The following STK32B variants were observed in gnomAD, a reference collection of about 807,000 sequenced individuals.
STK32B encodes the protein serine/threonine-protein kinase 32B.
Under a neutral mutation model 52.6 loss-of-function variants are expected in STK32B, and 43 were observed. That is an observed-to-expected ratio of 0.82 (90% CI 0.64 to 1.05). STK32B has a LOEUF of 1.05. STK32B is among the 50% of genes least tolerant of loss of function. The probability of loss-of-function intolerance (pLI) is 0.00; values close to 1 mark genes in which losing one functional copy is unlikely to be tolerated. For synonymous variants in STK32B, 238 were observed against 204.3 expected, an observed-to-expected ratio of 1.17 and a Z score of -1.41; for missense variants, 621 against 534.6, an observed-to-expected ratio of 1.16 and a Z score of -1.59.
chr4:5,463,452 C>G (rs1251976648), intron 9 of STK32B, among the ~76,000 whole-genome samples: 1 of 149,402 alleles, frequency 6.7e-6, no homozygotes, highest in Admixed American at 6.7e-5. Flanking sequence ...CTGCACACAC[C>G]CACACACTGA....
chr4:5,424,226 G>A (rs1712881745), intron 6 of STK32B, among the ~76,000 whole-genome samples: 1 of 152,140 alleles, frequency 6.6e-6, no homozygotes, highest in Admixed American at 6.5e-5. Context: ...GGGGTGCTGA[G>A]GGTGGCTCAG....
intron 4 of STK32B, among the ~76,000 whole-genome samples, chr4:5,345,027 G>A (rs1218439592): frequency 1.3e-5 from 2 of 149,862 alleles, no homozygotes; most frequent in Admixed American, 6.7e-5. Context: ...GGTGACAGTT[G>A]AAAAAGATTA....
chr4:5,123,564 G>A (rs955209288), intron 1 of STK32B, among the ~76,000 whole-genome samples: 1 of 152,124 alleles, frequency 6.6e-6, no homozygotes. Context: ...CAAGGTGTGG[G>A]CAGGGTTGAT....
At chr4:5,137,392 C>G (rs1716139085) in intron 1 of STK32B, among the ~76,000 whole-genome samples, 1 of 152,176 alleles carries the variant, frequency 6.6e-6, no homozygotes, top group Non-Finnish European at 1.5e-5. Flanking sequence ...TATGCTGGTG[C>G]CATTCCTTTT....
chr4:5,198,932 T>C (rs576978710), intron 3 of STK32B, among the ~76,000 whole-genome samples: 35 of 149,916 alleles, frequency 2.3e-4, no homozygotes, highest in African/African-American at 8.6e-4. Context: ...TTCCTAATTA[T>C]GTACTTTTGT....
chr4:5,065,420 A>G (rs918153271), intron 1 of STK32B, among the ~76,000 whole-genome samples: 8 of 152,208 alleles, frequency 5.3e-5, no homozygotes, highest in Non-Finnish European at 8.8e-5. Flanking sequence ...TGTTGCCACA[A>G]TAGGCAGCCC....
intron 6 of STK32B, among the ~76,000 whole-genome samples, chr4:5,444,524 C>T (rs1715194132): frequency 1.3e-5 from 2 of 152,212 alleles, no homozygotes; most frequent in South Asian, 4.1e-4. Context: ...TGAGATGAAC[C>T]CGGTACCTCA....
At chr4:5,357,028 C>CACACACACACATATAT (rs1481882197) in intron 4 of STK32B, among the ~76,000 whole-genome samples, 4 of 148,540 alleles carry the variant, frequency 2.7e-5, no homozygotes, top group Admixed American at 6.9e-5. Context: ...TATATACACA[C>CACACACACACATATAT]ACACACACAC....
At chr4:5,148,969 C>T (rs940079859) in intron 2 of STK32B, among the ~76,000 whole-genome samples, 1 of 151,518 alleles carries the variant, frequency 6.6e-6, no homozygotes, top group Non-Finnish European at 1.5e-5. Flanking sequence ...ATAAAATATC[C>T]TTCTCTTTTT....
At chr4:5,426,398 G>T (rs185810671) in intron 6 of STK32B, among the ~76,000 whole-genome samples, 1 of 152,036 alleles carries the variant, frequency 6.6e-6, no homozygotes, top group African/African-American at 2.4e-5. Flanking sequence ...CAAATCATTT[G>T]CCTGTTAATT....
At chr4:5,052,945 G>A (rs1262718143) in intron 1 of STK32B, among the ~76,000 whole-genome samples, 1 of 152,168 alleles carries the variant, frequency 6.6e-6, no homozygotes, top group South Asian at 2.1e-4. Flanking sequence ...AAAGGGGTCT[G>A]TCCTGGTTAC....
chr4:5,482,345 CA>C (rs1468067548), intron 11 of STK32B, among the ~76,000 whole-genome samples: 1 of 152,132 alleles, frequency 6.6e-6, no homozygotes, highest in Non-Finnish European at 1.5e-5. Context: ...CTCTTTGAAG[CA>C]ATTGTGAATG....
At chr4:5,061,245 T>G (rs559185576) in intron 1 of STK32B, among the ~76,000 whole-genome samples, 1 of 152,196 alleles carries the variant, frequency 6.6e-6, no homozygotes, top group Non-Finnish European at 1.5e-5. Context: ...TCTTTTTTAG[T>G]CACTTCAGGT....
At chr4:5,488,989 T>G (rs1719458493) in intron 11 of STK32B, among the ~76,000 whole-genome samples, 1 of 152,136 alleles carries the variant, frequency 6.6e-6, no homozygotes, top group African/African-American at 2.4e-5. Flanking sequence ...AATTAAAATT[T>G]TTAACTCTCA....
intron 3 of STK32B, among the ~76,000 whole-genome samples, chr4:5,269,596 ACTGTATTC>A (rs1727288116): frequency 1.3e-5 from 2 of 152,208 alleles, no homozygotes; most frequent in African/African-American, 4.8e-5. Context: ...GGTTATTATA[ACTGTATTC>A]CTCATGTTCA....
At chr4:5,031,021 A>G in the STK32B span, among the ~76,000 whole-genome samples, 3 of 152,138 alleles carry the variant, frequency 2.0e-5, no homozygotes, top group African/African-American at 7.2e-5. Flanking sequence ...AGGCAGACTG[A>G]CAGGCTGGAG....
chr4:5,043,685 A>G, the STK32B span, among the ~76,000 whole-genome samples: 40 of 152,208 alleles, frequency 2.6e-4, no homozygotes, highest in African/African-American at 8.9e-4. Flanking sequence ...TGTCCTCTCC[A>G]GCAGGGCTTC....
the STK32B span, among the ~76,000 whole-genome samples, chr4:5,022,940 C>T: frequency 6.6e-6 from 1 of 151,920 alleles, no homozygotes; most frequent in African/African-American, 2.4e-5. Flanking sequence ...GCAGCTGCTC[C>T]CTATCAGGTG....
At chr4:5,216,122 A>G (rs1723168465) in intron 3 of STK32B, among the ~76,000 whole-genome samples, 1 of 151,912 alleles carries the variant, frequency 6.6e-6, no homozygotes, top group Admixed American at 6.6e-5. Context: ...CATGAGAATC[A>G]CCTGGAATGC....
Sources: allele counts gnomAD v4.1 joint callset (sites outside exome capture counted in the v4.1 genomes callset), GRCh38; gene constraint gnomAD v4.1.1; transcripts MANE v1.5; gene names NCBI Gene and HGNC (gene_info 2026-07-23, HGNC 2026-07-21).